The following BDP1 variants were observed in gnomAD, a reference collection of about 807,000 sequenced individuals.
BDP1 encodes BDP1 general transcription factor IIIB subunit.
In BDP1, 169 loss-of-function variants were observed where a neutral mutation model predicts 266.6. That is an observed-to-expected ratio of 0.63 (90% CI 0.56 to 0.72). BDP1 has a LOEUF of 0.72. Ranked by LOEUF, BDP1 falls within the 30% of genes least tolerant of loss-of-function variation. BDP1 has a pLI of 0.00. For missense variants in BDP1, 3,015 were observed against 3,053.8 expected (o/e 0.99, Z 0.30); for synonymous variants, 1,090 against 1,022.4 (o/e 1.07, Z -1.26).
In BDP1 at chr5:71,562,835, A is replaced by G. The variant is rs547491406; in HGVS notation, c.7743+315A>G. Reference sequence around the variant, plus strand: ...TGCTGACACCCACAAGAATTTAAGGAACTGTAAAACTAGAATTTGTTCACA... The same window carrying G: ...TGCTGACACCCACAAGAATTTAAGGGACTGTAAAACTAGAATTTGTTCACA... On this transcript the variant is annotated intron_variant, in intron 38 of 38. Transcript: ENST00000358731. 256 of 1,309,114 alleles carry G rather than the reference A, an allele frequency of 2.0e-4. 5 individuals are homozygous for G. In the South Asian group the frequency reaches 2.9e-3, roughly 15 times the overall value. The allele number at this position is 1,309,114 out of a possible 1,614,324, so 81.1% of individuals were successfully genotyped here. A position where few individuals can be genotyped will look rare whatever the true frequency, so the allele number is the denominator to read the frequency against.
rs570119379 is a variant in BDP1, at chr5:71,486,465, T to G, written c.1070-19T>G. The G allele has an allele frequency of 6.5e-6, 10 of 1,530,624 alleles. No individual in the cohort carries two copies. The South Asian group carries it at 1.2e-4, about 18-fold the overall frequency. 94.8% of individuals were successfully genotyped at this position (1,530,624 alleles called of 1,614,324 possible). ...TTAAAAATAAAAACTTGAAAGTTCTTTTCCTTTTCTTTAAACAGAGGAAAA... is the reference window on the plus strand; with the variant it reads ...TTAAAAATAAAAACTTGAAAGTTCTGTTCCTTTTCTTTAAACAGAGGAAAA... On this transcript the variant is annotated intron_variant, in intron 8 of 38. Transcript: ENST00000358731.
At chr5:71,499,534 A>G (rs1244175199) in intron 13 of BDP1, among the ~76,000 whole-genome samples, 1 of 152,072 alleles carries the variant, frequency 6.6e-6, no homozygotes, top group Non-Finnish European at 1.5e-5. Flanking sequence ...CAAAAGAACC[A>G]CTTGTACCCG....
intron 27 of BDP1, 77 bp downstream of exon 27, chr5:71,539,155 T>C: frequency 9.2e-6 from 9 of 980,972 alleles, no homozygotes; most frequent in Non-Finnish European, 1.4e-5. Flanking sequence ...GGATAATAAA[T>C]GAATCAGTTT....
At chr5:71,501,675 A>C in intron 14 of BDP1, 22 bp downstream of exon 14, 1 of 385,178 alleles carries the variant, frequency 2.6e-6, no homozygotes, top group Non-Finnish European at 4.0e-6. Flanking sequence ...GGAAGTAGTA[A>C]AAAAAAAAAA....
In BDP1 at chr5:71,458,847, A is replaced by C. The variant is rs780436850; in HGVS notation, c.481A>C (p.Lys161Gln). 8 of 1,610,408 alleles carry C rather than the reference A, an allele frequency of 5.0e-6. No homozygotes were observed. In the Admixed American group the frequency reaches 5.1e-5, roughly 10 times the overall value. Residue 161 changes from lysine to glutamine, a missense_variant, in exon 2 of 39, where the codon AAA (lysine) becomes CAA (glutamine). Coordinates refer to ENST00000358731, the MANE Select transcript of BDP1 (RefSeq NM_018429.3). Reference sequence around the variant, plus strand: ...GGAAATGTTAAAAGAAGAATTGAGAAAAGAGAAGGTAAGGGAGGAGAATCA... The same window carrying C: ...GGAAATGTTAAAAGAAGAATTGAGACAAGAGAAGGTAAGGGAGGAGAATCA... ...LREMLKEELR[K>Q]EKKQWKNKYA...
chr5:71,456,029 C>T lies in BDP1; in HGVS notation c.152C>T (p.Thr51Ile). The change falls in exon 1 of 39, where the codon ACA becomes ATA. Residue 51 changes from threonine to isoleucine, a missense_variant. Around this residue, in one of 3 missense-constraint regions of BDP1, gnomAD observed 2,383 missense variants for 2,404.9 expected, o/e 0.99. Transcript: ENST00000358731. The stretch of plus-strand genomic sequence containing the variant: ...TCTGCTTCCAAGCCCGCGGAGCCCA[C>T]AGATGTGCCCACAGTCGATTTCGGT... The part of the protein sequence containing the change: ...TDSASKPAEP[T>I]DVPTVDFGGA... 6.2e-7 allele frequency: 1 copy of T among 1,613,582 alleles called. No homozygotes were observed. Among genetic ancestry groups the T allele is most frequent in the Non-Finnish European group, 8.5e-7 (1 of 1,180,024 alleles).
intron 8 of BDP1, among the ~76,000 whole-genome samples, chr5:71,485,983 C>A (rs1185249431): frequency 1.3e-5 from 2 of 152,144 alleles, no homozygotes; most frequent in Admixed American, 1.3e-4. Flanking sequence ...TCTATTATGT[C>A]CCTTTCTGAA....
chr5:71,465,117 C>T (rs990087221), intron 4 of BDP1, among the ~76,000 whole-genome samples: 4 of 151,758 alleles, frequency 2.6e-5, no homozygotes, highest in African/African-American at 7.3e-5. Context: ...GTAATCCTCT[C>T]GCCTCAGCCT....
At chr5:71,484,747 T>C (rs1301037961) in intron 8 of BDP1, among the ~76,000 whole-genome samples, 1 of 152,124 alleles carries the variant, frequency 6.6e-6, no homozygotes, top group Non-Finnish European at 1.5e-5. Flanking sequence ...CAGGAATATA[T>C]TTTTTGTGGA....
At chr5:71,554,265 C>T (rs1057439732) in intron 35 of BDP1, among the ~76,000 whole-genome samples, 3 of 152,062 alleles carry the variant, frequency 2.0e-5, no homozygotes, top group African/African-American at 7.2e-5. Flanking sequence ...TGTGTATTTC[C>T]TTTTCTATGA....
rs146338503 is a variant in BDP1 at position 71,491,067 on chromosome 5, G to A, written c.1576G>A (p.Gly526Ser). The A allele has an allele frequency of 4.5e-5, 72 of 1,613,994 alleles. No homozygotes were observed. The Middle Eastern group carries it at 6.6e-4, about 15-fold the overall frequency. ...QMLSCTQNID[G>S]IVGFASTEKV... ...GCTTTCCTGCACACAAAACATAGAT[G>A]GCATTGTGGGTTTTGCCTCCACTGA... Residue 526 changes from glycine (G) to serine (S), a missense_variant, in exon 11 of 39, where the codon GGC (glycine) becomes AGC (serine). Physicochemically the swap from Gly to Ser is moderately conservative, Grantham distance 56. Transcript: ENST00000358731.
At chr5:71,549,379 AT>A in intron 33 of BDP1, 40 bp from the exon 34 acceptor site, 1 of 1,460,660 alleles carries the variant, frequency 6.8e-7, no homozygotes, top group Non-Finnish European at 9.4e-7. Context: ...CTGTTATTTC[AT>A]AGTTGAGCTT....
chr5:71,552,093 A>T (rs1194321431), intron 34 of BDP1, among the ~76,000 whole-genome samples: 1 of 147,786 alleles, frequency 6.8e-6, no homozygotes, highest in Non-Finnish European at 1.5e-5. Context: ...GGGGCTCCTC[A>T]CTTCTCAGAC....
In BDP1 at chr5:71,550,347, C is replaced by T. The variant is rs1431723465; in HGVS notation, c.6995+741C>T. On this transcript the variant is annotated intron_variant, in intron 34 of 38. Coordinates refer to ENST00000358731, the MANE Select transcript of BDP1 (RefSeq NM_018429.3). ...GTTGCAGTGAGCTGAGATTGCACCA[C>T]TGCACTCTAGCCTGGGTGATAGAGT... Among the ~76,000 whole-genome samples the T allele has an allele frequency of 2.0e-5, 3 of 151,936 alleles. No homozygotes were observed. The East Asian group carries it at 5.8e-4, about 29-fold the overall frequency.
chr5:71,475,636 T>C (rs1200261386), intron 7 of BDP1: 1 of 152,360 alleles, frequency 6.6e-6, no homozygotes, highest in Non-Finnish European at 1.5e-5. Flanking sequence ...TTAAAACAAA[T>C]CTATCTCATG....
At chr5:71,513,577 T>G (rs1293452300) in intron 19 of BDP1, among the ~76,000 whole-genome samples, 170 bp downstream of exon 19, 4 of 152,106 alleles carry the variant, frequency 2.6e-5, no homozygotes, top group Admixed American at 2.0e-4. Context: ...ACATAATTTG[T>G]GTAAGAATCT....
At chr5:71,487,315 C>T (rs1239450757) in intron 9 of BDP1, among the ~76,000 whole-genome samples, 2 of 152,068 alleles carry the variant, frequency 1.3e-5, no homozygotes, top group Admixed American at 6.6e-5. Context: ...GATCTCGACT[C>T]ACTGCAAGCT....
chr5:71,547,020 G>A (rs1266105698), intron 32 of BDP1, among the ~76,000 whole-genome samples: 6 of 151,664 alleles, frequency 4.0e-5, no homozygotes, highest in Admixed American at 1.3e-4. Flanking sequence ...TAATTTTTTC[G>A]TATAATATTT....
chr5:71,480,451 G>T (rs1241321842), intron 7 of BDP1, among the ~76,000 whole-genome samples: 2 of 151,644 alleles, frequency 1.3e-5, no homozygotes, highest in African/African-American at 4.8e-5. Flanking sequence ...TATATTTTTA[G>T]TAGAGGTGGG....
Sources: allele counts gnomAD v4.1 joint callset (sites outside exome capture counted in the v4.1 genomes callset), GRCh38; gene constraint gnomAD v4.1.1; regional missense constraint gnomAD v4.1.1; transcripts MANE v1.5; gene names NCBI Gene and HGNC (gene_info 2026-07-23, HGNC 2026-07-21).